CALN1: variants seen among roughly 807,000 people sequenced by gnomAD.
The protein encoded by CALN1 is calcium-binding protein 8.
Under a neutral mutation model 30.6 loss-of-function variants are expected in CALN1, and 17 were observed. The ratio of observed to expected loss-of-function variants is 0.56; its 90% CI spans 0.38 to 0.83. The LOEUF (loss-of-function observed/expected upper bound fraction) is 0.83, where lower values mean the gene tolerates loss of function less well. CALN1 is among the 40% of genes least tolerant of loss of function. CALN1 has a pLI of 0.00. For synonymous variants in CALN1, 156 were observed against 131.4 expected (o/e 1.19, Z -1.28); for missense variants, 291 against 354.9 (o/e 0.82, Z 1.45).
intron 4 of CALN1, among the ~76,000 whole-genome samples, chr7:72,070,321 T>C (rs1020887972): frequency 2.0e-5 from 3 of 152,144 alleles, no homozygotes; most frequent in African/African-American, 7.2e-5. Context: ...CGCTTTTACA[T>C]TGCTTCCTCA....
intron 5 of CALN1, among the ~76,000 whole-genome samples, chr7:71,990,681 G>C (rs1190518209): frequency 6.6e-6 from 1 of 152,118 alleles, no homozygotes; most frequent in Non-Finnish European, 1.5e-5. Context: ...TCAAACTCCT[G>C]ACCTCAAGTG....
At chr7:72,158,746 G>A (rs1161126273) in intron 3 of CALN1, among the ~76,000 whole-genome samples, 1 of 152,174 alleles carries the variant, frequency 6.6e-6, no homozygotes, top group African/African-American at 2.4e-5. Context: ...AAGGGTAGTG[G>A]AGCGAGTAGT....
At chr7:71,835,346 C>T (rs1227466990) in intron 5 of CALN1, among the ~76,000 whole-genome samples, 1 of 152,200 alleles carries the variant, frequency 6.6e-6, no homozygotes, top group Non-Finnish European at 1.5e-5. Flanking sequence ...AATTACAACC[C>T]TCTGTTTTAG....
intron 5 of CALN1, among the ~76,000 whole-genome samples, chr7:71,936,365 G>A (rs1795831028): frequency 6.7e-6 from 1 of 148,558 alleles, no homozygotes; most frequent in Admixed American, 6.8e-5. Context: ...GGGTGTAGTG[G>A]CAGGCGCCTG....
chr7:72,405,580 C>A (rs1806640903), intron 1 of CALN1, among the ~76,000 whole-genome samples: 1 of 152,162 alleles, frequency 6.6e-6, no homozygotes, highest in Non-Finnish European at 1.5e-5. Flanking sequence ...CTTACACATG[C>A]CTATGACTCA....
chr7:72,255,039 C>A (rs1795819115), intron 3 of CALN1, among the ~76,000 whole-genome samples: 1 of 152,140 alleles, frequency 6.6e-6, no homozygotes, highest in African/African-American at 2.4e-5. Context: ...GATCCACCCA[C>A]CTTGGCCTCT....
intron 2 of CALN1, among the ~76,000 whole-genome samples, chr7:72,381,308 C>T (rs1448673952): frequency 1.3e-5 from 2 of 152,120 alleles, no homozygotes; most frequent in Non-Finnish European, 2.9e-5. Context: ...ACCAGAAATA[C>T]CATTTGACCC....
chr7:71,928,371 A>C (rs999918073), intron 5 of CALN1, among the ~76,000 whole-genome samples: 3 of 150,426 alleles, frequency 2.0e-5, no homozygotes, highest in Admixed American at 1.3e-4. Flanking sequence ...GGGAATGCCT[A>C]TCTTTCCATT....
At chr7:71,833,269 T>C (rs2116432896) in intron 5 of CALN1, among the ~76,000 whole-genome samples, 1 of 152,312 alleles carries the variant, frequency 6.6e-6, no homozygotes, top group South Asian at 2.1e-4. Flanking sequence ...CATGAGACTG[T>C]GAATTCCTAC....
At chr7:71,983,195 C>A (rs937552987) in intron 5 of CALN1, among the ~76,000 whole-genome samples, 6 of 152,184 alleles carry the variant, frequency 3.9e-5, no homozygotes, top group African/African-American at 1.4e-4. Flanking sequence ...ATTCTCCTTT[C>A]TCTTTCTTTT....
At chr7:72,379,008 A>G (rs1476880739) in intron 2 of CALN1, among the ~76,000 whole-genome samples, 3 of 152,152 alleles carry the variant, frequency 2.0e-5, no homozygotes, top group Admixed American at 1.3e-4. Context: ...TTGATTTTAG[A>G]ATGTTAAACC....
chr7:72,142,864 A>G (rs573655499), intron 3 of CALN1, among the ~76,000 whole-genome samples: 31 of 152,290 alleles, frequency 2.0e-4, no homozygotes, highest in African/African-American at 7.2e-4. Context: ...CAGGCAAACA[A>G]GGTCTGGAGT....
chr7:72,083,673 C>G, intron 4 of CALN1, among the ~76,000 whole-genome samples: 1 of 152,112 alleles, frequency 6.6e-6, no homozygotes, highest in East Asian at 1.9e-4. Context: ...GTAATCCCAG[C>G]ACTTTGGGAG....
intron 5 of CALN1, among the ~76,000 whole-genome samples, chr7:71,976,935 C>G (rs538271062): frequency 6.6e-6 from 1 of 152,110 alleles, no homozygotes; most frequent in Non-Finnish European, 1.5e-5. Context: ...TGCGCATGCC[C>G]AAGGACTTTC....
intron 5 of CALN1, among the ~76,000 whole-genome samples, chr7:71,976,102 T>C (rs1798090070): frequency 6.6e-6 from 1 of 151,942 alleles, no homozygotes; most frequent in Non-Finnish European, 1.5e-5. Context: ...CAAACATTTA[T>C]TTCTGGTCAC....
intron 6 of CALN1, among the ~76,000 whole-genome samples, chr7:71,804,682 G>C (rs1001108920): frequency 6.6e-6 from 1 of 151,916 alleles, no homozygotes; most frequent in African/African-American, 2.4e-5. Context: ...AGCCGGGTGC[G>C]GTGGCACATG....
chr7:72,360,644 T>G (rs1390737006), intron 2 of CALN1, among the ~76,000 whole-genome samples: 1 of 148,312 alleles, frequency 6.7e-6, no homozygotes, highest in East Asian at 2.0e-4. Flanking sequence ...AGGGTACACG[T>G]GCACAACGTG....
rs1797618985 is a variant in CALN1, at chr7:71,968,128, CA to C, written c.501+55528del. Among the ~76,000 whole-genome samples, 2 of 152,016 alleles carry C rather than the reference CA, an allele frequency of 1.3e-5. 1 individual carries two copies. Among genetic ancestry groups the C allele is most frequent in the South Asian group, 4.2e-4 (2 of 4,816 alleles). On this transcript the variant is annotated intron_variant, in intron 5 of 6. Coordinates refer to ENST00000395275, the MANE Select transcript of CALN1 (RefSeq NM_031468.4). Reference sequence around the variant, plus strand: ...ATTCATAGTTACTCCAAACTGGAAACAAGTCAAATGTCTACTAACTAGTGAA... The same window carrying C: ...ATTCATAGTTACTCCAAACTGGAAACAGTCAAATGTCTACTAACTAGTGAA...
chr7:71,982,127 A>C (rs1476747994), intron 5 of CALN1, among the ~76,000 whole-genome samples: 1 of 152,100 alleles, frequency 6.6e-6, no homozygotes, highest in Non-Finnish European at 1.5e-5. Context: ...TTCTTTGTGA[A>C]GGAGGTGAGT....
Sources: gnomAD v4.1 joint callset for allele counts (sites outside exome capture counted in the v4.1 genomes callset) on GRCh38, gnomAD v4.1.1 for gene constraint, MANE v1.5 for transcripts, NCBI Gene and HGNC (gene_info 2026-07-23, HGNC 2026-07-21) for gene names.